Variants in H2BN1 observed in about 807,000 individuals in gnomAD.
The protein encoded by H2BN1 is histone H2B.N.
At chr17:32,904,151 G>T in the H2BN1 span, among the ~76,000 whole-genome samples, 1 of 152,148 alleles carries the variant, frequency 6.6e-6, no homozygotes, top group African/African-American at 2.4e-5. Flanking sequence ...ACTCCCACAA[G>T]GCCCCCGGTC....
chr17:32,898,321 G>T, the H2BN1 span, among the ~76,000 whole-genome samples: 1 of 152,176 alleles, frequency 6.6e-6, no homozygotes, highest in African/African-American at 2.4e-5. Context: ...AACTTGAGTC[G>T]AAGGCAGGAC....
the H2BN1 span, among the ~76,000 whole-genome samples, chr17:32,897,586 GA>G: frequency 1.3e-5 from 2 of 152,318 alleles, no homozygotes; most frequent in Non-Finnish European, 2.9e-5. Context: ...CCTGACGGCA[GA>G]GAGTGCCAAT....
the H2BN1 span, among the ~76,000 whole-genome samples, chr17:32,903,855 T>A: frequency 6.6e-6 from 1 of 152,142 alleles, no homozygotes; most frequent in East Asian, 1.9e-4. Context: ...TATGTCTCAC[T>A]TTTTTTCTGA....
chr17:32,899,045 A>G, the H2BN1 span, among the ~76,000 whole-genome samples: 1 of 152,242 alleles, frequency 6.6e-6, no homozygotes, highest in Admixed American at 6.5e-5. Flanking sequence ...GTAGAAAATA[A>G]TAAAAATCGA....
the H2BN1 span, chr17:32,905,770 C>G: frequency 6.6e-6 from 1 of 152,108 alleles, no homozygotes; most frequent in Non-Finnish European, 1.5e-5. Flanking sequence ...AGGGGGCTTC[C>G]AGATCATAGG....
chr17:32,897,358 T>TACACACACACACACACACACAC, the H2BN1 span, among the ~76,000 whole-genome samples: 17 of 124,058 alleles, frequency 1.4e-4, no homozygotes, highest in African/African-American at 4.7e-4. Context: ...CTCTCTGTCT[T>TACACACACACACACACACACAC]ACACACACAC....
the H2BN1 span, among the ~76,000 whole-genome samples, chr17:32,896,641 G>T: frequency 6.6e-6 from 1 of 152,204 alleles, no homozygotes; most frequent in Non-Finnish European, 1.5e-5. Context: ...GATGGGAGAG[G>T]AGAGAAGGTG....
the H2BN1 span, among the ~76,000 whole-genome samples, chr17:32,897,017 G>T: frequency 7.9e-5 from 12 of 152,296 alleles, 1 homozygote; most frequent in South Asian, 2.5e-3. Flanking sequence ...GTGTGGGCCT[G>T]GCAGGCCACC....
At chr17:32,901,416 T>TA in the H2BN1 span, among the ~76,000 whole-genome samples, 2 of 152,166 alleles carry the variant, frequency 1.3e-5, no homozygotes, top group Non-Finnish European at 2.9e-5. Context: ...AATCAGCCCT[T>TA]AAAAATCTCA....
At chr17:32,905,127 T>C in the H2BN1 span, among the ~76,000 whole-genome samples, 3 of 152,336 alleles carry the variant, frequency 2.0e-5, no homozygotes, top group East Asian at 5.8e-4. Flanking sequence ...CTCAAACTCC[T>C]CTTCCCTGCC....
chr17:32,899,786 CTA>C, the H2BN1 span, among the ~76,000 whole-genome samples: 1 of 152,062 alleles, frequency 6.6e-6, no homozygotes, highest in East Asian at 1.9e-4. Flanking sequence ...GTTTCCTTGA[CTA>C]TGAAAAAAAC....
At chr17:32,901,009 A>G in the H2BN1 span, among the ~76,000 whole-genome samples, 1 of 151,984 alleles carries the variant, frequency 6.6e-6, no homozygotes, top group African/African-American at 2.4e-5. Context: ...GGAGTTTGAG[A>G]CCAGCCTGGC....
chr17:32,896,621 A>C, the H2BN1 span, among the ~76,000 whole-genome samples: 2 of 152,188 alleles, frequency 1.3e-5, no homozygotes, highest in African/African-American at 4.8e-5. Context: ...GGAAAATGAG[A>C]TTAAGGAAAG....
chr17:32,903,214 C>T, the H2BN1 span, among the ~76,000 whole-genome samples: 1 of 151,232 alleles, frequency 6.6e-6, no homozygotes, highest in African/African-American at 2.4e-5. Context: ...ATATATACAA[C>T]ACATAAATAC....
At chr17:32,903,807 A>T in the H2BN1 span, among the ~76,000 whole-genome samples, 1 of 152,236 alleles carries the variant, frequency 6.6e-6, no homozygotes, top group East Asian at 1.9e-4. Context: ...CAGAGTGTTC[A>T]AAAGGAGGTC....
the H2BN1 span, among the ~76,000 whole-genome samples, chr17:32,898,075 C>T: frequency 3.3e-5 from 5 of 152,120 alleles, no homozygotes; most frequent in Admixed American, 3.3e-4. Flanking sequence ...TTTCTCATCC[C>T]AAGAAACTGC....
chr17:32,902,789 G>A, the H2BN1 span, among the ~76,000 whole-genome samples: 32 of 152,002 alleles, frequency 2.1e-4, no homozygotes, highest in African/African-American at 7.5e-4. Flanking sequence ...GCAGTGAGCC[G>A]GGATTGCGCC....
the H2BN1 span, among the ~76,000 whole-genome samples, chr17:32,897,828 A>G: frequency 6.6e-6 from 1 of 152,224 alleles, no homozygotes; most frequent in African/African-American, 2.4e-5. Context: ...AAGTAACAGG[A>G]AGAAAGAGAG....
chr17:32,902,248 GA>G, the H2BN1 span, among the ~76,000 whole-genome samples: 1 of 151,976 alleles, frequency 6.6e-6, no homozygotes, highest in Non-Finnish European at 1.5e-5. Context: ...GATTATTTCT[GA>G]AAACTGTGAT....
Sources: gnomAD v4.1 joint callset for allele counts (sites outside exome capture counted in the v4.1 genomes callset) on GRCh38, gnomAD v4.1.1 for gene constraint, MANE v1.5 for transcripts, NCBI Gene and HGNC (gene_info 2026-07-23, HGNC 2026-07-21) for gene names.